METAP2: variants seen among roughly 807,000 people sequenced by gnomAD.
METAP2 encodes methionyl aminopeptidase 2, also known as methionine aminopeptidase 2.
A neutral mutation model predicts 59.4 loss-of-function variants in METAP2; 25 were observed. The observed-to-expected ratio is 0.42, with a 90% CI of 0.31 to 0.59. The LOEUF is 0.59. Ranked by LOEUF, METAP2 falls within the 20% of genes least tolerant of loss-of-function variation. The pLI is 0.16. For missense variants in METAP2, 366 were observed against 581.2 expected (o/e 0.63, Z 3.81); for synonymous variants, 214 against 194.1 (o/e 1.10, Z -0.85).
chr12:95,495,306 T>C (rs1017274097), intron 6 of METAP2, among the ~76,000 whole-genome samples, 168 bp downstream of exon 6: 7 of 152,104 alleles, frequency 4.6e-5, no homozygotes, highest in South Asian at 2.1e-4. Flanking sequence ...AGTGCACTTA[T>C]AGGAGAGAGA....
chr12:95,504,021 A>T (rs764581919), intron 7 of METAP2, 44 bp from the exon 8 acceptor site: 1 of 1,462,808 alleles, frequency 6.8e-7, no homozygotes, highest in Admixed American at 1.9e-5. Flanking sequence ...TGCTATGAAA[A>T]TTTTGCACTT....
intron 9 of METAP2, 128 bp from the exon 10 acceptor site, chr12:95,512,673 C>T: frequency 1.7e-6 from 1 of 603,908 alleles, no homozygotes; most frequent in Non-Finnish European, 2.9e-6. Flanking sequence ...GATCTCACCA[C>T]TGCACTCCAG....
rs201305892 is a variant in METAP2, at chr12:95,474,239, A to G, written c.60A>G (p.Pro20=). 4.5e-5 allele frequency: 73 copies of G among 1,614,142 alleles called. No individual in the cohort carries two copies. Among genetic ancestry groups the G allele is most frequent in the Non-Finnish European group, 6.2e-5 (73 of 1,180,050 alleles). ...GCCACCTGAATGGCGACCTGGATCC[A>G]GACGACAGGGAAGAAGGAGCTGCCT... The part of the protein sequence containing the change: ...SGSHLNGDLD[P]DDREEGAAST... Residue 20 remains proline (P), a synonymous_variant, in exon 1 of 11, where the codon CCA becomes CCG. Coordinates refer to ENST00000323666, the MANE Select transcript of METAP2 (RefSeq NM_006838.4).
chr12:95,483,072 G>T, intron 2 of METAP2, 143 bp from the exon 3 acceptor site: 1 of 714,688 alleles, frequency 1.4e-6, no homozygotes, highest in Non-Finnish European at 2.4e-6. Flanking sequence ...TCTTATTTCA[G>T]TGAAAGAATA....
intron 4 of METAP2, among the ~76,000 whole-genome samples, chr12:95,492,556 A>AT (rs966806758): frequency 6.6e-6 from 1 of 151,340 alleles, no homozygotes; most frequent in African/African-American, 2.4e-5. Context: ...ATTTATTTTT[A>AT]TTTTTTATTT....
intron 2 of METAP2, among the ~76,000 whole-genome samples, chr12:95,476,925 T>A (rs1269379108): frequency 6.6e-6 from 1 of 152,198 alleles, no homozygotes; most frequent in Admixed American, 6.5e-5. Flanking sequence ...TAATGGACTG[T>A]CTTTTCCTAT....
intron 7 of METAP2, among the ~76,000 whole-genome samples, chr12:95,501,018 T>C (rs1384920536): frequency 6.8e-6 from 1 of 147,144 alleles, no homozygotes; most frequent in African/African-American, 2.5e-5. Flanking sequence ...TTTTTTTTTT[T>C]TTTTTTTTTT....
In METAP2 at chr12:95,496,117, C is replaced by T. The variant is rs199506481; in HGVS notation, c.867+19C>T. 97 of 1,443,850 alleles carry T rather than the reference C, an allele frequency of 6.7e-5. No individual in the cohort carries two copies. The highest frequency in any genetic ancestry group is 8.7e-5 in the Non-Finnish European group (91 of 1,041,330). The allele number at this position is 1,443,850 out of a possible 1,614,324, so 89.4% of individuals were successfully genotyped here. Reference sequence around the variant, plus strand: ...AATAAAGGTATGTGAACTGTAAGCACCATTTCATTCCCAATATTTTGAGCA... The same window carrying T: ...AATAAAGGTATGTGAACTGTAAGCATCATTTCATTCCCAATATTTTGAGCA... On this transcript the variant is annotated intron_variant, in intron 7 of 10. Coordinates refer to ENST00000323666, the MANE Select transcript of METAP2 (RefSeq NM_006838.4).
At chr12:95,493,822 A>G (rs1345022542) in intron 4 of METAP2, among the ~76,000 whole-genome samples, 2 of 152,254 alleles carry the variant, frequency 1.3e-5, no homozygotes, top group Admixed American at 6.5e-5. Context: ...TCCTCTGACT[A>G]TGAATGAAAT....
chr12:95,500,854 C>T (rs370431720), intron 7 of METAP2, among the ~76,000 whole-genome samples: 5 of 152,002 alleles, frequency 3.3e-5, no homozygotes, highest in Admixed American at 1.3e-4. Context: ...GTCTTTGCCT[C>T]GCTTTGGTAT....
Position 95,476,185 on chromosome 12 carries a change from G to A in METAP2, c.259+7G>A. Reference sequence around the variant, plus strand: ...AGAGATGAAGATGATGAAGGTAAATGGTTAATTTGATCTTTGTGGTTAGAA... The same window carrying A: ...AGAGATGAAGATGATGAAGGTAAATAGTTAATTTGATCTTTGTGGTTAGAA... On this transcript the variant is annotated splice_region_variant and intron_variant, in intron 2 of 10. Transcript: ENST00000323666. The A allele has an allele frequency of 6.4e-7, 1 of 1,556,496 alleles. No individual in the cohort carries two copies. Among genetic ancestry groups the A allele is most frequent in the South Asian group, 1.1e-5 (1 of 87,010 alleles).
At chr12:95,505,744 C>T (rs74641291) in intron 8 of METAP2, among the ~76,000 whole-genome samples, 1 of 151,912 alleles carries the variant, frequency 6.6e-6, no homozygotes, top group Non-Finnish European at 1.5e-5. Flanking sequence ...ATCCGCCCAC[C>T]TCGGCCTCCC....
intron 4 of METAP2, among the ~76,000 whole-genome samples, chr12:95,490,262 C>T (rs1327672915): frequency 6.7e-6 from 1 of 149,056 alleles, no homozygotes; most frequent in African/African-American, 2.5e-5. Flanking sequence ...CCACCACACC[C>T]GGCATAGTAG....
At chr12:95,486,566 C>T (rs1275365155) in intron 4 of METAP2, among the ~76,000 whole-genome samples, 4 of 151,682 alleles carry the variant, frequency 2.6e-5, no homozygotes, top group South Asian at 2.1e-4. Flanking sequence ...GCTGGGATCT[C>T]GGCTCACTGC....
chr12:95,477,381 G>A (rs1249782537), intron 2 of METAP2, among the ~76,000 whole-genome samples: 1 of 152,152 alleles, frequency 6.6e-6, no homozygotes, highest in Non-Finnish European at 1.5e-5. Flanking sequence ...TTGAGCTACT[G>A]TGTCCGGCCT....
intron 4 of METAP2, among the ~76,000 whole-genome samples, chr12:95,488,928 AT>A (rs2076217931): frequency 6.6e-6 from 1 of 152,126 alleles, no homozygotes; most frequent in South Asian, 2.1e-4. Context: ...TCTCATCAGA[AT>A]TGCATTTATA....
intron 7 of METAP2, among the ~76,000 whole-genome samples, chr12:95,496,352 T>G (rs1565781172): frequency 6.6e-6 from 1 of 152,198 alleles, no homozygotes; most frequent in Non-Finnish European, 1.5e-5. Flanking sequence ...TTTGGATCTA[T>G]TTTTGCCTGT....
chr12:95,487,606 T>TG (rs397744652), intron 4 of METAP2, among the ~76,000 whole-genome samples: 1 of 150,220 alleles, frequency 6.7e-6, no homozygotes, highest in East Asian at 1.9e-4. Flanking sequence ...TTTTTTTTTT[T>TG]GCTTGTTCCC....
chr12:95,501,007 AT>A (rs540202398), intron 7 of METAP2, among the ~76,000 whole-genome samples: 1,509 of 103,514 alleles, frequency 0.015, 8 homozygotes, highest in African/African-American at 0.036. Context: ...CTTTGTTGGG[AT>A]TTTTTTTTTT....
Sources: allele counts gnomAD v4.1 joint callset (sites outside exome capture counted in the v4.1 genomes callset), GRCh38; gene constraint gnomAD v4.1.1; transcripts MANE v1.5; gene names NCBI Gene and HGNC (gene_info 2026-07-23, HGNC 2026-07-21).